Variants in METTL15 observed in about 807,000 individuals in gnomAD.
The protein encoded by METTL15 is methyltransferase 15, mitochondrial 12S rRNA N4-cytidine, also known as 12S rRNA N(4)-cytidine methyltransferase METTL15.
A neutral mutation model predicts 38.3 loss-of-function variants in METTL15; 34 were observed. The observed-to-expected ratio is 0.89, with a 90% CI of 0.68 to 1.18. METTL15 has a LOEUF of 1.18. Among genes scored for constraint, METTL15 ranks in the 50% most tolerant of loss-of-function variants. The pLI, the probability that METTL15 is intolerant of heterozygous loss-of-function variation, is 0.00. For missense variants in METTL15, 438 were observed against 498.4 expected (o/e 0.88, Z 1.15); for synonymous variants, 162 against 170.9 (o/e 0.95, Z 0.41).
rs148318844 is a variant in METTL15 at position 28,400,593 on chromosome 11, C to A, written c.*359-23706C>A. ...TCTGAGTTCCCCCCATCCCTCACCC[C>A]TCTTGAGGTCCAAAGGTTACATATT... On this transcript the variant is annotated intron_variant and NMD_transcript_variant, in intron 5 of 7. Coordinates refer to the METTL15 transcript ENST00000532947. Among the ~76,000 whole-genome samples, 522 of 152,038 alleles carry A rather than the reference C, an allele frequency of 3.4e-3. 2 individuals are homozygous for A. Among genetic ancestry groups the A allele is most frequent in the African/African-American group, 0.012 (512 of 41,514 alleles).
At chr11:28,390,711 G>T (rs572975243) in intron 5 of METTL15, among the ~76,000 whole-genome samples, 2 of 152,178 alleles carry the variant, frequency 1.3e-5, no homozygotes, top group Non-Finnish European at 2.9e-5. Context: ...TGGCAATGCG[G>T]ACTCTTTTTT....
At chr11:28,131,501 A>ATTTTT (rs370387962) in intron 3 of METTL15, among the ~76,000 whole-genome samples, 2 of 117,556 alleles carry the variant, frequency 1.7e-5, no homozygotes, top group Non-Finnish European at 3.4e-5. Context: ...ACTTCCAAGC[A>ATTTTT]TTTTTTTTTT....
intron 3 of METTL15, among the ~76,000 whole-genome samples, chr11:28,342,328 A>T (rs913301881): frequency 6.6e-5 from 10 of 151,836 alleles, no homozygotes; most frequent in African/African-American, 2.2e-4. Context: ...CACAGATGTG[A>T]TCATGGCTCA....
At chr11:28,333,830 G>A (rs1849875022), downstream of METTL15, among the ~76,000 whole-genome samples, 1 of 151,714 alleles carries the variant, frequency 6.6e-6, no homozygotes, top group Admixed American at 6.6e-5. Context: ...AATACAGTAT[G>A]CCTAATTAGA....
chr11:28,341,937 G>A (rs1374627121), intron 3 of METTL15, among the ~76,000 whole-genome samples: 1 of 152,112 alleles, frequency 6.6e-6, no homozygotes, highest in African/African-American at 2.4e-5. Flanking sequence ...AGACTATGAT[G>A]TAAAACTAGG....
intron 6 of METTL15, among the ~76,000 whole-genome samples, chr11:28,498,743 T>C (rs1851556771): frequency 6.6e-6 from 1 of 152,170 alleles, no homozygotes; most frequent in South Asian, 2.1e-4. Context: ...CATCCAATTA[T>C]TAGTTATTTC....
intron 3 of METTL15, among the ~76,000 whole-genome samples, chr11:28,115,412 C>G (rs879620538): frequency 1.3e-5 from 2 of 151,926 alleles, no homozygotes; most frequent in South Asian, 2.1e-4. Flanking sequence ...GCATGTACCA[C>G]CACGCCCGGC....
chr11:28,483,376 T>C (rs1851412933), intron 6 of METTL15, among the ~76,000 whole-genome samples: 1 of 152,208 alleles, frequency 6.6e-6, no homozygotes, highest in Non-Finnish European at 1.5e-5. Context: ...GAGACTTCCT[T>C]TGGCCTCGAC....
intron 5 of METTL15, among the ~76,000 whole-genome samples, chr11:28,422,189 G>A (rs1433407586): frequency 1.3e-5 from 2 of 151,580 alleles, no homozygotes; most frequent in South Asian, 2.1e-4. Context: ...GAAATGGAAG[G>A]GGATACAAAA....
chr11:28,190,419 G>A (rs1020224154), intron 3 of METTL15, among the ~76,000 whole-genome samples: 2 of 151,194 alleles, frequency 1.3e-5, no homozygotes, highest in African/African-American at 4.8e-5. Flanking sequence ...TAAGTTAAAT[G>A]AGTTATTTCA....
intron 3 of METTL15, among the ~76,000 whole-genome samples, chr11:28,154,097 G>A (rs1850183197): frequency 6.6e-6 from 1 of 152,084 alleles, no homozygotes; most frequent in Admixed American, 6.6e-5. Context: ...TAAGTGCAAA[G>A]TTTATCTTAA....
intron 3 of METTL15, among the ~76,000 whole-genome samples, chr11:28,185,416 A>G (rs1440435636): frequency 2.6e-5 from 4 of 151,560 alleles, no homozygotes; most frequent in Non-Finnish European, 4.4e-5. Flanking sequence ...GCCTGTGCTT[A>G]TAAGTTATTG....
chr11:28,372,436 T>A (rs1166597391), intron 5 of METTL15, among the ~76,000 whole-genome samples: 1 of 137,294 alleles, frequency 7.3e-6, no homozygotes, highest in Admixed American at 8.4e-5. Flanking sequence ...GAAGTTTTCT[T>A]TTTTTGTTGT....
intron 5 of METTL15, among the ~76,000 whole-genome samples, chr11:28,405,379 C>T (rs1465227381): frequency 6.6e-6 from 1 of 152,126 alleles, no homozygotes; most frequent in Non-Finnish European, 1.5e-5. Context: ...GATCATTAAA[C>T]TTATTCTAAC....
At chr11:28,134,442 A>G in intron 3 of METTL15, 1 of 397,648 alleles carries the variant, frequency 2.5e-6, no homozygotes, top group Non-Finnish European at 4.4e-6. Context: ...CCCCTGTGCA[A>G]GTTCCCTTAT....
chr11:28,476,031 C>T (rs1851343611), intron 6 of METTL15, among the ~76,000 whole-genome samples: 1 of 152,182 alleles, frequency 6.6e-6, no homozygotes, highest in South Asian at 2.1e-4. Flanking sequence ...GTCATGATAC[C>T]TTCATCTGAC....
rs568468625 is a variant in METTL15, at chr11:28,273,901, G to T, written c.408-16305G>T. ...GGCTTATTCTTGCAATGCACTTGCA[G>T]ATTTCCGTCTAATCACCAATCACCC... On this transcript the variant is annotated intron_variant, in intron 4 of 6. Transcript: ENST00000407364. 1.4e-4 allele frequency among the ~76,000 whole-genome samples: 22 copies of T among 152,182 alleles called. No homozygotes were observed. The South Asian group carries it at 4.1e-3, about 29-fold the overall frequency.
rs751445729 is a variant in METTL15 at position 28,270,212 on chromosome 11, C to T, written c.408-19994C>T. ...AATATGGCATCTGATCATTATTTCC[C>T]GTGTTGGCATTTTTTTGTATTTTGA... On this transcript the variant is annotated intron_variant, in intron 4 of 6. Coordinates refer to ENST00000407364, the MANE Select transcript of METTL15 (RefSeq NM_001113528.2). Among the ~76,000 whole-genome samples, 4 of 152,062 alleles carry T rather than the reference C, an allele frequency of 2.6e-5. No homozygotes were observed. The South Asian group carries it at 6.2e-4, about 24-fold the overall frequency.
At chr11:28,140,177 C>T (rs565851288) in intron 3 of METTL15, among the ~76,000 whole-genome samples, 4 of 152,270 alleles carry the variant, frequency 2.6e-5, no homozygotes, top group South Asian at 2.1e-4. Flanking sequence ...AGATGGAAAT[C>T]GCATTGTTCT....
Sources: gnomAD v4.1 joint callset for allele counts (sites outside exome capture counted in the v4.1 genomes callset) on GRCh38, gnomAD v4.1.1 for gene constraint, MANE v1.5 for transcripts, NCBI Gene and HGNC (gene_info 2026-07-23, HGNC 2026-07-21) for gene names.